Variants in TOR1AIP2 observed in about 807,000 individuals in gnomAD.
The protein encoded by TOR1AIP2 is torsin-1A-interacting protein 2.
Under a neutral mutation model 32.6 loss-of-function variants are expected in TOR1AIP2, and 20 were observed. That is an observed-to-expected ratio of 0.61 (90% confidence interval 0.43 to 0.89). The LOEUF is 0.89. Among genes scored for constraint, TOR1AIP2 ranks in the 40% least tolerant of loss-of-function variants. The probability of loss-of-function intolerance (pLI) is 0.00; values close to 1 mark genes in which losing one functional copy is unlikely to be tolerated. For missense variants in TOR1AIP2, 456 were observed against 553.8 expected (o/e 0.82, Z 1.77); for synonymous variants, 214 against 210.8 (o/e 1.02, Z -0.13).
chr1:179,876,930 TG>T (rs907601169), intron 2 of TOR1AIP2, among the ~76,000 whole-genome samples: 80 of 151,944 alleles, frequency 5.3e-4, no homozygotes, highest in African/African-American at 1.8e-3. Context: ...ATATATAATA[TG>T]TAAGCAAAAT....
At chr1:179,861,995 C>T (rs1441486137) in intron 3 of TOR1AIP2, 28 of 984,876 alleles carry the variant, frequency 2.8e-5, no homozygotes, top group East Asian at 2.3e-4. Flanking sequence ...CCATGGCACC[C>T]GGCATGAGGT....
Position 179,844,162 on chromosome 1 carries a change from G to A in TOR1AIP2, c.*1909C>T, listed in dbSNP as rs1191844208. The A allele has an allele frequency of 6.6e-6, 1 of 152,108 alleles. No homozygotes were observed. The highest frequency in any genetic ancestry group is 1.5e-5 in the Non-Finnish European group (1 of 68,018). 9.4% of individuals were successfully genotyped at this position (152,108 alleles called of 1,614,324 possible). A position where few individuals can be genotyped will look rare whatever the true frequency, so the allele number is the denominator to read the frequency against. ...AAAAGACAGAAAAAATGTGCATATG[G>A]GATACAGATTTTCCTTCAACTTCCT... On this transcript the variant is annotated 3_prime_UTR_variant, in exon 7 of 7. Transcript: ENST00000609928.
chr1:179,864,649 A>C, intron 3 of TOR1AIP2: 1 of 1,472,818 alleles, frequency 6.8e-7, no homozygotes, highest in Non-Finnish European at 8.9e-7. Flanking sequence ...CCACGGAAGC[A>C]GATCCAACAA....
At chr1:179,863,047 G>A (rs1696612693) in intron 3 of TOR1AIP2, 1 of 167,030 alleles carries the variant, frequency 6.0e-6, no homozygotes, top group Non-Finnish European at 1.2e-5. Flanking sequence ...CAACAATGGT[G>A]AAACCCCATC....
At position 179,851,204 on chromosome 1, in the gene TOR1AIP2, T is replaced by C. The variant is rs769022500; in HGVS notation, c.194A>G (p.Asp65Gly). ...EVETEGPESA[D>G]TGDKSESPDE... Reference sequence around the variant, plus strand: ...TGGACTTTCTGATTTATCACCTGTATCTGCACTTTCTGGACCTTCTGTCTC... The same window carrying C: ...TGGACTTTCTGATTTATCACCTGTACCTGCACTTTCTGGACCTTCTGTCTC... Residue 65 changes from aspartate to glycine, a missense_variant, in exon 5 of 7, where the codon GAT (aspartate) becomes GGT (glycine). Transcript: ENST00000609928. The C allele has an allele frequency of 3.1e-6, 5 of 1,614,040 alleles. No individual in the cohort carries two copies. Among genetic ancestry groups the C allele is most frequent in the Non-Finnish European group, 4.2e-6 (5 of 1,180,036 alleles).
At position 179,852,657 on chromosome 1, in the gene TOR1AIP2, G is replaced by A. The variant is rs779761598; in HGVS notation, c.9C>T (p.Asp3=). Residue 3 remains aspartate (D), a synonymous_variant, in exon 4 of 7, where the codon GAC becomes GAT. Coordinates refer to ENST00000609928, the MANE Select transcript of TOR1AIP2 (RefSeq NM_001199260.2). The part of the protein sequence containing the change: MA[D]SGLREPQEDS... Reference sequence around the variant, plus strand: ...CCTCTTGAGGTTCCCTAAGTCCACTGTCGGCCATGTTTGTGTTCTATCTCT... The same window carrying A: ...CCTCTTGAGGTTCCCTAAGTCCACTATCGGCCATGTTTGTGTTCTATCTCT... The A allele has an allele frequency of 6.2e-7, 1 of 1,614,016 alleles. No individual in the cohort carries two copies. The highest frequency in any genetic ancestry group is 1.1e-5 in the South Asian group (1 of 91,068).
chr1:179,849,841 T>G (rs186961081), intron 5 of TOR1AIP2, among the ~76,000 whole-genome samples: 227 of 152,374 alleles, frequency 1.5e-3, no homozygotes, highest in Non-Finnish European at 2.3e-3. Flanking sequence ...TGTTTCTATG[T>G]GCCAGGTGCC....
chr1:179,863,677 C>CAAAAAAAAAA (rs904854823), intron 3 of TOR1AIP2: 1 of 662,832 alleles, frequency 1.5e-6, no homozygotes, highest in South Asian at 7.3e-5. Flanking sequence ...TTTTAAAAAG[C>CAAAAAAAAAA]AAAAAAAAAA....
chr1:179,852,370 A>T (rs1164078124), intron 4 of TOR1AIP2, among the ~76,000 whole-genome samples: 1 of 152,186 alleles, frequency 6.6e-6, no homozygotes, highest in African/African-American at 2.4e-5. Context: ...CATTTTTTAA[A>T]GAAGCATTGT....
intron 4 of TOR1AIP2, 46 bp from the exon 5 acceptor site, chr1:179,851,409 T>G (rs761545695): frequency 2.2e-6 from 3 of 1,382,112 alleles, no homozygotes; most frequent in Non-Finnish European, 2.9e-6. Flanking sequence ...AAATTCCCCA[T>G]AAATTTATAT....
intron 3 of TOR1AIP2, chr1:179,859,689 A>G: frequency 1.0e-6 from 1 of 985,456 alleles, no homozygotes; most frequent in Non-Finnish European, 1.2e-6. Flanking sequence ...GGGCCTAAAC[A>G]TTGTGACAAA....
chr1:179,861,609 A>G (rs1020144060), intron 3 of TOR1AIP2: 47 of 985,310 alleles, frequency 4.8e-5, no homozygotes, highest in Non-Finnish European at 5.4e-5. Context: ...TGATTAGTTT[A>G]ATTAATGAGA....
intron 2 of TOR1AIP2, chr1:179,869,067 C>T (rs1179855493): frequency 2.0e-5 from 3 of 152,234 alleles, no homozygotes; most frequent in African/African-American, 7.2e-5. Flanking sequence ...GTCTTGAACT[C>T]CCAACCTCAG....
At chr1:179,860,562 T>C in intron 3 of TOR1AIP2, 2 of 985,472 alleles carry the variant, frequency 2.0e-6, no homozygotes, top group Non-Finnish European at 2.4e-6. Flanking sequence ...CCCTACATCT[T>C]TCCTCATCCT....
At position 179,843,854 on chromosome 1, in the gene TOR1AIP2, TAGC is replaced by T. The variant is rs1341705033; in HGVS notation, c.*2214_*2216del. ...AAAAAAAAAAAAAAGACTTTTGAAA[TAGC>T]AGACAGAAAACTGACAACACCCTCA... On this transcript the variant is annotated 3_prime_UTR_variant, in exon 7 of 7. Coordinates refer to ENST00000609928, the MANE Select transcript of TOR1AIP2 (RefSeq NM_001199260.2). The T allele has an allele frequency of 1.5e-5, 2 of 137,614 alleles. No individual in the cohort carries two copies. Among genetic ancestry groups the T allele is most frequent in the Admixed American group, 7.4e-5 (1 of 13,544 alleles). 8.5% of individuals were successfully genotyped at this position (137,614 alleles called of 1,614,324 possible). A position where few individuals can be genotyped will look rare whatever the true frequency, so the allele number is the denominator to read the frequency against.
chr1:179,875,324 T>C (rs772180822), intron 2 of TOR1AIP2: 1 of 152,164 alleles, frequency 6.6e-6, no homozygotes, highest in Non-Finnish European at 1.5e-5. Context: ...TTTTCCTTGG[T>C]TTTCTTAATT....
intron 5 of TOR1AIP2, among the ~76,000 whole-genome samples, chr1:179,849,141 AAC>A (rs1406642323): frequency 6.6e-6 from 1 of 152,216 alleles, no homozygotes; most frequent in South Asian, 2.1e-4. Flanking sequence ...ATCTCAAAAA[AAC>A]AAAAAAAAAG....
intron 3 of TOR1AIP2, chr1:179,859,297 A>G: frequency 4.8e-6 from 4 of 827,706 alleles, no homozygotes; most frequent in Non-Finnish European, 5.8e-6. Flanking sequence ...TAGACTATTA[A>G]TATTCCTACT....
At chr1:179,861,863 G>GT in intron 3 of TOR1AIP2, 2 of 949,398 alleles carry the variant, frequency 2.1e-6, no homozygotes, top group Non-Finnish European at 2.5e-6. Context: ...TATCTTTTAT[G>GT]TTGTTTTTTT....
Sources: allele counts gnomAD v4.1 joint callset (sites outside exome capture counted in the v4.1 genomes callset), GRCh38; gene constraint gnomAD v4.1.1; transcripts MANE v1.5; gene names NCBI Gene and HGNC (gene_info 2026-07-23, HGNC 2026-07-21).